MAP3K15: variants seen among roughly 807,000 people sequenced by gnomAD.
The protein encoded by MAP3K15 is mitogen-activated protein kinase kinase kinase 15.
Under a neutral mutation model 99.5 loss-of-function variants are expected in MAP3K15, and 124 were observed. That is an observed-to-expected ratio of 1.25 (90% confidence interval 1.08 to 1.45). MAP3K15 has a LOEUF of 1.45. Among genes scored for constraint, MAP3K15 ranks in the 40% most tolerant of loss-of-function variants. The pLI, the probability that MAP3K15 is intolerant of heterozygous loss-of-function variation, is 0.00. For missense variants in MAP3K15, 1,242 were observed against 1,079.7 expected (o/e 1.15, Z -2.11); for synonymous variants, 494 against 439.6 (o/e 1.12, Z -1.55).
chrX:19,487,973 C>T (rs1197525702), intron 2 of MAP3K15, among the ~76,000 whole-genome samples: 1 of 111,035 alleles, frequency 9.0e-6, no homozygotes, highest in Non-Finnish European at 1.9e-5. Context: ...ACCCCCATCC[C>T]CGAGACTGTG....
intron 11 of MAP3K15, among the ~76,000 whole-genome samples, chrX:19,411,181 C>T (rs1308716805): frequency 1.9e-5 from 2 of 105,044 alleles, no homozygotes; most frequent in African/African-American, 7.2e-5. Flanking sequence ...GAGACCCTGC[C>T]TCAAAAAAAA....
intron 10 of MAP3K15, 31 bp from the exon 11 acceptor site, chrX:19,413,495 C>T (rs749047368): frequency 1.8e-6 from 2 of 1,095,916 alleles, no homozygotes; most frequent in South Asian, 1.9e-5. Context: ...TGTTAACGTA[C>T]ATGGGTAGAA....
At chrX:19,489,897 G>A (rs751156701) in intron 1 of MAP3K15, among the ~76,000 whole-genome samples, 7 of 110,333 alleles carry the variant, frequency 6.3e-5, no homozygotes, top group East Asian at 2.9e-4. Context: ...TTAGTTGGGC[G>A]TGGTGGCAGG....
chrX:19,414,727 G>C (rs926801183), intron 10 of MAP3K15, among the ~76,000 whole-genome samples: 1 of 111,859 alleles, frequency 8.9e-6, no homozygotes, highest in Non-Finnish European at 1.9e-5. Flanking sequence ...TGACATTTTG[G>C]GCTGGATAAT....
chrX:19,468,892 G>A (rs1000108646), intron 3 of MAP3K15, among the ~76,000 whole-genome samples: 14 of 111,397 alleles, frequency 1.3e-4, no homozygotes, highest in Non-Finnish European at 2.4e-4. Flanking sequence ...GTGAATGGGA[G>A]TTCACTCATG....
chrX:19,375,977 G>T (rs1291863982), intron 19 of MAP3K15, among the ~76,000 whole-genome samples: 1 of 112,302 alleles, frequency 8.9e-6, no homozygotes, highest in East Asian at 2.8e-4. Flanking sequence ...GGTTAAGCTG[G>T]CACTGTTCAC....
rs747253329 is a variant in MAP3K15, at chrX:19,382,285, C to T, written c.2432-2008G>A. ...AAAAAAAAGGAAAGCAAAGGGCGCACTGGCTATAAAGAAAGTTTGGAGAAA... is the reference window on the plus strand; with the variant it reads ...AAAAAAAAGGAAAGCAAAGGGCGCATTGGCTATAAAGAAAGTTTGGAGAAA... On this transcript the variant is annotated intron_variant, in intron 18 of 28. Transcript: ENST00000338883. Among the ~76,000 whole-genome samples, 233 of 106,177 alleles carry T rather than the reference C, an allele frequency of 2.2e-3. 2 individuals carry two copies. The highest frequency in any genetic ancestry group is 7.7e-3 in the African/African-American group (222 of 28,955). 92.2% of individuals were successfully genotyped at this position (106,177 alleles called of 115,157 possible). A position where few individuals can be genotyped will look rare whatever the true frequency, so the allele number is the denominator to read the frequency against.
chrX:19,444,491 T>C (rs2147332029), intron 6 of MAP3K15, among the ~76,000 whole-genome samples: 1 of 111,737 alleles, frequency 8.9e-6, no homozygotes, highest in South Asian at 3.8e-4. Flanking sequence ...ACGATATTCG[T>C]TGGCCGCTCA....
At chrX:19,361,003 C>T (rs912249698) in intron 28 of MAP3K15, 170 bp from the exon 29 acceptor site, 11 of 426,113 alleles carry the variant, frequency 2.6e-5, no homozygotes, top group Middle Eastern at 5.7e-4. Flanking sequence ...TACGTACCTG[C>T]AGAGAGCTGG....
intron 24 of MAP3K15, among the ~76,000 whole-genome samples, chrX:19,369,621 C>T (rs748950234): frequency 1.8e-5 from 2 of 110,303 alleles, no homozygotes; most frequent in South Asian, 7.8e-4. Flanking sequence ...AAAATATATA[C>T]AAAAATTAGC....
At chrX:19,404,143 G>A (rs1316796746) in intron 13 of MAP3K15, among the ~76,000 whole-genome samples, 2 of 111,574 alleles carry the variant, frequency 1.8e-5, no homozygotes, top group African/African-American at 3.3e-5. Flanking sequence ...ACCCATTAGA[G>A]CTAATACATG....
intron 6 of MAP3K15, among the ~76,000 whole-genome samples, chrX:19,454,897 T>C (rs2064081151): frequency 1.8e-5 from 2 of 111,958 alleles, no homozygotes. Flanking sequence ...AGCATTTCCT[T>C]TGAGCATCAT....
chrX:19,362,482 G>T (rs1216357574), intron 26 of MAP3K15, among the ~76,000 whole-genome samples: 1 of 110,659 alleles, frequency 9.0e-6, no homozygotes, highest in East Asian at 2.9e-4. Context: ...TGATCTGCTA[G>T]CCTCAGCCTC....
chrX:19,424,317 T>TAC (rs1347490869), intron 9 of MAP3K15, among the ~76,000 whole-genome samples: 1 of 104,826 alleles, frequency 9.5e-6, no homozygotes, highest in African/African-American at 3.6e-5. Flanking sequence ...CACATATATA[T>TAC]ACATATATAT....
At position 19,360,688 on chromosome X, in the gene MAP3K15, A is replaced by G; in HGVS notation, c.*61T>C. ...CAGCGGAATTCGTGTATACACTAACAGAAGCTTTAACAAAACATGTAGCGT... is the reference window on the plus strand; with the variant it reads ...CAGCGGAATTCGTGTATACACTAACGGAAGCTTTAACAAAACATGTAGCGT... On this transcript the variant is annotated 3_prime_UTR_variant, in exon 29 of 29. Transcript: ENST00000338883. 1.1e-6 allele frequency: 1 copy of G among 904,911 alleles called. No homozygotes were observed. Among genetic ancestry groups the G allele is most frequent in the Non-Finnish European group, 1.6e-6 (1 of 623,414 alleles). 74.6% of individuals were successfully genotyped at this position (904,911 alleles called of 1,213,427 possible). A position where few individuals can be genotyped will look rare whatever the true frequency, so the allele number is the denominator to read the frequency against.
At chrX:19,372,511 T>C in intron 22 of MAP3K15, 142 bp downstream of exon 22, 1 of 467,685 alleles carries the variant, frequency 2.1e-6, no homozygotes, top group Non-Finnish European at 3.5e-6. Flanking sequence ...GGGAAGGACG[T>C]TAGGGAAACA....
intron 6 of MAP3K15, among the ~76,000 whole-genome samples, chrX:19,454,110 T>C (rs1195287105): frequency 1.8e-5 from 2 of 111,654 alleles, no homozygotes; most frequent in East Asian, 5.7e-4. Context: ...CAGAACGACA[T>C]ATTAGACATT....
rs190191657 is a variant in MAP3K15 at position 19,422,778 on chromosome X, C to G, written c.1439+2753G>C. Among the ~76,000 whole-genome samples the G allele has an allele frequency of 3.7e-3, 415 of 111,681 alleles. 3 individuals carry two copies. Among genetic ancestry groups the G allele is most frequent in the African/African-American group, 0.013 (387 of 30,700 alleles). On this transcript the variant is annotated intron_variant, in intron 9 of 28. Coordinates refer to ENST00000338883, the MANE Select transcript of MAP3K15 (RefSeq NM_001001671.4). ...CAATAGCAAACACTTGGAACCAAGCCAAATGTCCAACAACGATAGACTGAA... is the reference window on the plus strand; with the variant it reads ...CAATAGCAAACACTTGGAACCAAGCGAAATGTCCAACAACGATAGACTGAA...
In MAP3K15 at chrX:19,446,334, T is replaced by C. The variant is rs138832324; in HGVS notation, c.995+10579A>G. On this transcript the variant is annotated intron_variant, in intron 6 of 28. Transcript: ENST00000338883. Reference sequence around the variant, plus strand: ...AAGGATCTGTCTCTAATCATTCAACTAATAAAATGATGCTTCAAGTTATAG... The same window carrying C: ...AAGGATCTGTCTCTAATCATTCAACCAATAAAATGATGCTTCAAGTTATAG... 8.2e-3 allele frequency among the ~76,000 whole-genome samples: 921 copies of C among 111,975 alleles called. 13 individuals are homozygous for C. Among genetic ancestry groups the C allele is most frequent in the African/African-American group, 0.029 (885 of 30,865 alleles).
Sources: allele counts gnomAD v4.1 joint callset (sites outside exome capture counted in the v4.1 genomes callset), GRCh38; gene constraint gnomAD v4.1.1; transcripts MANE v1.5; gene names NCBI Gene and HGNC (gene_info 2026-07-23, HGNC 2026-07-21).